The following CDYL2 variants were observed in gnomAD, a reference collection of about 807,000 sequenced individuals.
The protein encoded by CDYL2 is chromodomain Y like 2.
Under a neutral mutation model 49.4 loss-of-function variants are expected in CDYL2, and 23 were observed. That is an observed-to-expected ratio of 0.47 (90% CI 0.34 to 0.66). The LOEUF is 0.66. Ranked by LOEUF, CDYL2 falls within the 30% of genes least tolerant of loss-of-function variation. CDYL2 has a pLI of 0.01. For missense variants in CDYL2, 678 were observed against 656.4 expected, an observed-to-expected ratio of 1.03 and a Z score of -0.36; for synonymous variants, 360 against 268.8, an observed-to-expected ratio of 1.34 and a Z score of -3.32.
intron 1 of CDYL2, among the ~76,000 whole-genome samples, chr16:80,793,675 A>G (rs985938102): frequency 2.0e-5 from 3 of 152,228 alleles, no homozygotes; most frequent in African/African-American, 7.2e-5. Context: ...GTTTAGCAGA[A>G]CACAGTGGAG....
chr16:80,731,121 C>T (rs934803373), intron 1 of CDYL2, among the ~76,000 whole-genome samples: 1 of 152,010 alleles, frequency 6.6e-6, no homozygotes, highest in African/African-American at 2.4e-5. Context: ...AATTATACTT[C>T]CATAAAGCTA....
In CDYL2 at chr16:80,662,810, G is replaced by T. The variant is rs1317797635; in HGVS notation, c.616+21728C>A. 6.6e-6 allele frequency: 3 copies of T among 453,680 alleles called. No homozygotes were observed. In the Admixed American group the frequency reaches 7.1e-5, roughly 11 times the overall value. 28.1% of individuals were successfully genotyped at this position (453,680 alleles called of 1,614,324 possible). Reference sequence around the variant, plus strand: ...ATCACACTGTAGGAAAATCATCATGGATACCTTCCACATCTTGACAAGGAT... The same window carrying T: ...ATCACACTGTAGGAAAATCATCATGTATACCTTCCACATCTTGACAAGGAT... On this transcript the variant is annotated intron_variant, in intron 2 of 6. Transcript: ENST00000570137.
intron 1 of CDYL2, among the ~76,000 whole-genome samples, chr16:80,724,781 G>C (rs1376085214): frequency 6.6e-6 from 1 of 152,156 alleles, no homozygotes; most frequent in Admixed American, 6.5e-5. Flanking sequence ...CCACTTCTCT[G>C]CATCACCAAG....
chr16:80,609,518 G>C (rs1452674212), intron 5 of CDYL2, among the ~76,000 whole-genome samples: 3 of 152,164 alleles, frequency 2.0e-5, no homozygotes, highest in Non-Finnish European at 4.4e-5. Flanking sequence ...ATGCTTGCTT[G>C]GTTCAAGATT....
intron 1 of CDYL2, among the ~76,000 whole-genome samples, chr16:80,761,857 G>A (rs1044308936): frequency 2.7e-5 from 4 of 146,670 alleles, no homozygotes; most frequent in Admixed American, 1.4e-4. Flanking sequence ...ACATGTGAAT[G>A]TTCAATCTAA....
At chr16:80,618,214 C>T (rs873995) in intron 4 of CDYL2, among the ~76,000 whole-genome samples, 9,848 of 152,296 alleles carry the variant, frequency 0.065, 546 homozygotes, top group East Asian at 0.21. Flanking sequence ...GTCTGAATTC[C>T]ACTAGTCATG....
chr16:80,752,369 G>GA (rs1354680724), intron 1 of CDYL2, among the ~76,000 whole-genome samples: 4 of 151,874 alleles, frequency 2.6e-5, no homozygotes, highest in African/African-American at 2.4e-5. Context: ...AGCACTCTGT[G>GA]AAAAAAACAA....
intron 1 of CDYL2, among the ~76,000 whole-genome samples, chr16:80,687,496 A>G (rs1910245491): frequency 6.6e-6 from 1 of 151,946 alleles, no homozygotes; most frequent in African/African-American, 2.4e-5. Flanking sequence ...ATAGATGGAT[A>G]GATGGATGGT....
intron 2 of CDYL2, among the ~76,000 whole-genome samples, chr16:80,652,690 G>A (rs1307684200): frequency 6.6e-6 from 1 of 152,170 alleles, no homozygotes; most frequent in African/African-American, 2.4e-5. Flanking sequence ...AACAGTGACA[G>A]GTCACGTTCT....
At chr16:80,624,208 G>A (rs1907206792) in intron 3 of CDYL2, among the ~76,000 whole-genome samples, 1 of 152,192 alleles carries the variant, frequency 6.6e-6, no homozygotes, top group African/African-American at 2.4e-5. Flanking sequence ...GAGACAGGAA[G>A]CCTATGATGG....
rs544594238 is a variant in CDYL2 at position 80,738,128 on chromosome 16, G to C, written c.25-52999C>G. 1.1e-4 allele frequency among the ~76,000 whole-genome samples: 17 copies of C among 151,080 alleles called. 1 individual carries two copies. The Admixed American group carries it at 1.1e-3, about 10-fold the overall frequency. ...GAGAACATGCAGTGTTTGGTTTTCT[G>C]TTTCTGTGTTAGTTTGCTGAGAATG... On this transcript the variant is annotated intron_variant, in intron 1 of 6. Transcript: ENST00000570137.
chr16:80,619,488 C>T (rs953471976), intron 4 of CDYL2, among the ~76,000 whole-genome samples: 6 of 152,188 alleles, frequency 3.9e-5, no homozygotes, highest in Admixed American at 2.0e-4. Context: ...CCATGATTGA[C>T]GCTCCACGGG....
Position 80,604,328 on chromosome 16 carries a change from G to A in CDYL2, c.*60C>T. On this transcript the variant is annotated 3_prime_UTR_variant, in exon 7 of 7. Transcript: ENST00000570137. ...ACTCCTTGGCCGGGGCAGACACTGT[G>A]CTCTGGTTTCCGAAACACAGGGCAG... The A allele has an allele frequency of 1.3e-6, 2 of 1,586,986 alleles. No homozygotes were observed. The highest frequency in any genetic ancestry group is 1.7e-5 in the Admixed American group (1 of 59,546).
chr16:80,670,429 T>G (rs1909453454), intron 2 of CDYL2, among the ~76,000 whole-genome samples: 1 of 152,208 alleles, frequency 6.6e-6, no homozygotes, highest in African/African-American at 2.4e-5. Flanking sequence ...TTGCTTCCCC[T>G]TCCGCCATGA....
intron 1 of CDYL2, among the ~76,000 whole-genome samples, chr16:80,696,248 G>A (rs1910608839): frequency 6.6e-6 from 1 of 152,044 alleles, no homozygotes; most frequent in South Asian, 2.1e-4. Context: ...TAGAAAAGCA[G>A]TACTAAGAGA....
Position 80,766,692 on chromosome 16 carries a change from C to T in CDYL2, c.24+37458G>A, listed in dbSNP as rs530290859. On this transcript the variant is annotated intron_variant, in intron 1 of 6. Transcript: ENST00000570137. ...ACAACTAATAACGATGGGACTGACT[C>T]CAGATAGATAGATCATATATCTAAC... Among the ~76,000 whole-genome samples, 7 of 152,264 alleles carry T rather than the reference C, an allele frequency of 4.6e-5. No individual in the cohort carries two copies. In the South Asian group the frequency reaches 1.4e-3, roughly 32 times the overall value.
chr16:80,801,556 G>GT (rs1445190069), intron 1 of CDYL2, among the ~76,000 whole-genome samples: 2 of 152,292 alleles, frequency 1.3e-5, no homozygotes, highest in African/African-American at 4.8e-5. Context: ...AATTACAAAC[G>GT]TAAGAACTCT....
At chr16:80,800,854 T>C (rs1156336130) in intron 1 of CDYL2, among the ~76,000 whole-genome samples, 1 of 152,194 alleles carries the variant, frequency 6.6e-6, no homozygotes, top group Non-Finnish European at 1.5e-5. Flanking sequence ...GATTATTTCT[T>C]CCTGACACCC....
intron 1 of CDYL2, among the ~76,000 whole-genome samples, chr16:80,725,956 T>G (rs1905149991): frequency 2.0e-5 from 3 of 152,216 alleles, no homozygotes; most frequent in Admixed American, 2.0e-4. Context: ...ACTTAGTCAC[T>G]CACCTGCTCT....
Sources: allele counts gnomAD v4.1 joint callset (sites outside exome capture counted in the v4.1 genomes callset), GRCh38; gene constraint gnomAD v4.1.1; transcripts MANE v1.5; gene names NCBI Gene and HGNC (gene_info 2026-07-23, HGNC 2026-07-21).